The following MYO3B variants were observed in gnomAD, a reference collection of about 807,000 sequenced individuals.
MYO3B encodes myosin IIIB.
Under a neutral mutation model 174.6 loss-of-function variants are expected in MYO3B, and 156 were observed. The observed-to-expected ratio is 0.89, with a 90% CI of 0.78 to 1.02. The LOEUF is 1.02. Ranked by LOEUF, MYO3B falls within the 50% of genes least tolerant of loss-of-function variation. The pLI is 0.00. For missense variants in MYO3B, 1,632 were observed against 1,639.4 expected (o/e 1.00, Z 0.08); for synonymous variants, 563 against 569.1 (o/e 0.99, Z 0.15).
Position 170,369,327 on chromosome 2 carries a change from G to C in MYO3B, c.921G>C (p.Leu307=). Residue 307 remains leucine, a synonymous_variant, in exon 9 of 35, where the codon CTG becomes CTC. Transcript: ENST00000408978. ...AAGTTCTGTTTCTGCAAAAACAGCTGGCCAAGGTTCTCCAAGACCAGAAGC... is the reference window on the plus strand; with the variant it reads ...AAGTTCTGTTTCTGCAAAAACAGCTCGCCAAGGTTCTCCAAGACCAGAAGC... ...HGKVLFLQKQ[L]AKVLQDQKHQ... 6.2e-7 allele frequency: 1 copy of C among 1,613,706 alleles called. No individual in the cohort carries two copies. The highest frequency in any genetic ancestry group is 1.1e-5 in the South Asian group (1 of 91,006).
At chr2:170,631,390 G>A (rs529942344) in intron 32 of MYO3B, among the ~76,000 whole-genome samples, 4 of 151,928 alleles carry the variant, frequency 2.6e-5, no homozygotes, top group Admixed American at 1.3e-4. Context: ...CCAAGAAATA[G>A]GGGACTATGT....
At chr2:170,626,952 C>G (rs1416721520) in intron 32 of MYO3B, among the ~76,000 whole-genome samples, 1 of 152,110 alleles carries the variant, frequency 6.6e-6, no homozygotes, top group African/African-American at 2.4e-5. Context: ...TGTGGGTAAC[C>G]CGACCTTTCT....
At chr2:170,356,789 A>ATTTTTTTTTTTTTTTT (rs2094124862) in intron 8 of MYO3B, among the ~76,000 whole-genome samples, 1 of 152,092 alleles carries the variant, frequency 6.6e-6, no homozygotes, top group South Asian at 2.1e-4. Flanking sequence ...CTTTAAAAAA[A>ATTTTTTTTTTTTTTTT]TGTTTTAAGA....
chr2:170,614,872 T>C (rs1479901928), intron 32 of MYO3B, among the ~76,000 whole-genome samples: 1 of 152,176 alleles, frequency 6.6e-6, no homozygotes, highest in East Asian at 1.9e-4. Flanking sequence ...TCTCCACTCT[T>C]CACAGCCTCA....
intron 8 of MYO3B, among the ~76,000 whole-genome samples, chr2:170,356,270 C>T (rs1004345677): frequency 2.6e-5 from 4 of 151,652 alleles, no homozygotes; most frequent in African/African-American, 7.3e-5. Context: ...CAACAGGCTT[C>T]GGTTTACATT....
chr2:170,480,066 C>T (rs1467560888), intron 25 of MYO3B, among the ~76,000 whole-genome samples: 1 of 147,646 alleles, frequency 6.8e-6, no homozygotes, highest in Non-Finnish European at 1.5e-5. Flanking sequence ...TATAAAATAA[C>T]ACCACACACA....
chr2:170,488,658 T>C (rs1686230440), intron 25 of MYO3B, among the ~76,000 whole-genome samples: 2 of 152,166 alleles, frequency 1.3e-5, no homozygotes, highest in Non-Finnish European at 2.9e-5. Flanking sequence ...GAATTGCAAA[T>C]GGAAATAAAA....
At chr2:170,553,942 G>A (rs1315329765) in intron 32 of MYO3B, among the ~76,000 whole-genome samples, 3 of 152,072 alleles carry the variant, frequency 2.0e-5, no homozygotes, top group African/African-American at 7.2e-5. Context: ...ATGTGAAAAC[G>A]TGCTTGCTTT....
intron 23 of MYO3B, among the ~76,000 whole-genome samples, chr2:170,449,245 A>C (rs1198855484): frequency 6.6e-6 from 1 of 152,212 alleles, no homozygotes; most frequent in Non-Finnish European, 1.5e-5. Flanking sequence ...ATTTAAAGAA[A>C]GCATGCCATT....
At chr2:170,461,542 G>A (rs1684285676) in intron 23 of MYO3B, among the ~76,000 whole-genome samples, 1 of 151,394 alleles carries the variant, frequency 6.6e-6, no homozygotes, top group South Asian at 2.1e-4. Context: ...TTGGGAGGCC[G>A]AGGCAGGCAG....
intron 32 of MYO3B, among the ~76,000 whole-genome samples, chr2:170,589,498 T>C (rs1693692533): frequency 6.6e-6 from 1 of 152,206 alleles, no homozygotes; most frequent in South Asian, 2.1e-4. Flanking sequence ...GATCCTGATC[T>C]TGTGTAGGCC....
intron 7 of MYO3B, among the ~76,000 whole-genome samples, chr2:170,279,533 G>A (rs889808709): frequency 6.6e-6 from 1 of 151,912 alleles, no homozygotes; most frequent in African/African-American, 2.4e-5. Context: ...GTGTCATGGG[G>A]GTTTGTTGTA....
intron 32 of MYO3B, among the ~76,000 whole-genome samples, chr2:170,626,878 C>T (rs564942377): frequency 6.6e-6 from 1 of 152,308 alleles, no homozygotes; most frequent in South Asian, 2.1e-4. Context: ...TATGGGCCCC[C>T]ACTCTCTTCT....
chr2:170,635,754 TTTTC>T (rs1411231375), intron 32 of MYO3B, among the ~76,000 whole-genome samples: 1 of 152,146 alleles, frequency 6.6e-6, no homozygotes, highest in East Asian at 1.9e-4. Flanking sequence ...TTTAAACATG[TTTTC>T]TTTCTTACAT....
Position 170,523,509 on chromosome 2 carries a change from T to G in MYO3B, c.3575+3969T>G, listed in dbSNP as rs1688808755. On this transcript the variant is annotated intron_variant, in intron 30 of 34. Coordinates refer to ENST00000408978, the MANE Select transcript of MYO3B (RefSeq NM_138995.5). Reference sequence around the variant, plus strand: ...TGGGCAGAGTAAGAAGAGAGCTGGATTGTGTCACTGGTGATGTTCTCATTG... The same window carrying G: ...TGGGCAGAGTAAGAAGAGAGCTGGAGTGTGTCACTGGTGATGTTCTCATTG... 2.6e-5 allele frequency among the ~76,000 whole-genome samples: 4 copies of G among 152,074 alleles called. No individual in the cohort carries two copies. The South Asian group carries it at 8.3e-4, about 32-fold the overall frequency.
intron 32 of MYO3B, among the ~76,000 whole-genome samples, chr2:170,636,062 G>A (rs1032281310): frequency 6.6e-6 from 1 of 152,120 alleles, no homozygotes; most frequent in African/African-American, 2.4e-5. Flanking sequence ...TATAGTGTGT[G>A]GAATATGATT....
In MYO3B at chr2:170,328,819, G is replaced by A. The variant is rs139262468; in HGVS notation, c.750-6566G>A. On this transcript the variant is annotated intron_variant, in intron 7 of 34. Transcript: ENST00000408978. ...AAATAAGTACCAGGACATTTTTGTG[G>A]TGTATAATCCCATTTCTATTGGGAT... Among the ~76,000 whole-genome samples, 789 of 152,034 alleles carry A rather than the reference G, an allele frequency of 5.2e-3. 6 individuals are homozygous for A. The highest frequency in any genetic ancestry group is 0.018 in the African/African-American group (744 of 41,418).
chr2:170,357,140 C>T (rs1316380278), intron 8 of MYO3B, among the ~76,000 whole-genome samples: 3 of 151,742 alleles, frequency 2.0e-5, no homozygotes, highest in African/African-American at 7.3e-5. Flanking sequence ...ATTCCTGTCT[C>T]TACTAAAAAT....
rs115047724 is a variant in MYO3B, at chr2:170,651,996, G to C, written c.3841-112G>C. ...CCCTTTGATCAAAAAAAATTATGCT[G>C]TGACTTCTGATATTATCAGCATCTG... is the stretch of plus-strand genomic sequence containing the variant. On this transcript the variant is annotated intron_variant, in intron 33 of 34. Transcript: ENST00000408978. The C allele has an allele frequency of 9.2e-6, 11 of 1,193,416 alleles. No homozygotes were observed. In the African/African-American group the frequency reaches 1.5e-4, roughly 17 times the overall value. The allele number at this position is 1,193,416 out of a possible 1,614,324, so 73.9% of individuals were successfully genotyped here.
Sources: gnomAD v4.1 joint callset for allele counts (sites outside exome capture counted in the v4.1 genomes callset) on GRCh38, gnomAD v4.1.1 for gene constraint, MANE v1.5 for transcripts, NCBI Gene and HGNC (gene_info 2026-07-23, HGNC 2026-07-21) for gene names.